The following VPS39 variants were observed in gnomAD, a reference collection of about 807,000 sequenced individuals.
VPS39 encodes VPS39 subunit of HOPS complex.
In VPS39, 70 loss-of-function variants were observed where a neutral mutation model predicts 121.0. That is an observed-to-expected ratio of 0.58 (90% confidence interval 0.48 to 0.71). VPS39 has a LOEUF of 0.71. Ranked by LOEUF, VPS39 falls within the 30% of genes least tolerant of loss-of-function variation. VPS39 has a pLI of 0.00. For synonymous variants in VPS39, 378 were observed against 398.1 expected (o/e 0.95, Z 0.60); for missense variants, 818 against 1,051.5 (o/e 0.78, Z 3.07).
In VPS39 at chr15:42,191,481, G is replaced by A. The variant is rs770105059; in HGVS notation, c.204+15C>T. The A allele has an allele frequency of 1.4e-5, 23 of 1,612,284 alleles. 1 individual carries two copies. The East Asian group carries it at 4.9e-4, about 34-fold the overall frequency. The stretch of plus-strand genomic sequence containing the variant: ...TAAGTCAAATATTCTTGTAAGGACT[G>A]CCATCACTGCTTACCTGCTGAATCT... On this transcript the variant is annotated intron_variant, in intron 3 of 24. Coordinates refer to ENST00000318006, the MANE Select transcript of VPS39 (RefSeq NM_015289.5).
intron 24 of VPS39, 73 bp downstream of exon 24, chr15:42,161,609 C>T: frequency 6.8e-7 from 1 of 1,466,272 alleles, no homozygotes; most frequent in Non-Finnish European, 9.6e-7. Context: ...GGGCAGAAAT[C>T]CATCCTGAGC....
Position 42,184,646 on chromosome 15 carries a change from G to A in VPS39, c.589C>T (p.Pro197Ser), listed in dbSNP as rs1205943760. The stretch of plus-strand genomic sequence containing the variant: ...CCATCTGCCAGAGGTGCAACTAAGG[G>A]CTCCAGCTGTTTTCCTGTTGGAAAG... ...ELFPTGKQLEPLVAPLADGKV... is the reference protein window; with the variant it reads ...ELFPTGKQLESLVAPLADGKV... The change falls in exon 8 of 25, where the codon CCC becomes TCC. Residue 197 changes from proline to serine, a missense_variant. By Grantham distance (74) the Pro-to-Ser change is moderately conservative (BLOSUM62 -1). Transcript: ENST00000318006. The A allele has an allele frequency of 6.2e-7, 1 of 1,614,140 alleles. No homozygotes were observed. The highest frequency in any genetic ancestry group is 1.1e-5 in the South Asian group (1 of 91,086).
chr15:42,203,704 C>A (rs191423209), intron 1 of VPS39, among the ~76,000 whole-genome samples: 2 of 152,200 alleles, frequency 1.3e-5, no homozygotes, highest in Non-Finnish European at 2.9e-5. Context: ...GGGAATCAAT[C>A]CGATGGATTA....
At chr15:42,181,163 C>G (rs982153698) in intron 8 of VPS39, among the ~76,000 whole-genome samples, 8 of 152,084 alleles carry the variant, frequency 5.3e-5, no homozygotes, top group Non-Finnish European at 5.9e-5. Flanking sequence ...TATATACACA[C>G]AGTGGAATAT....
chr15:42,181,750 G>A (rs1226223041), intron 8 of VPS39, among the ~76,000 whole-genome samples: 8 of 150,438 alleles, frequency 5.3e-5, no homozygotes, highest in African/African-American at 1.5e-4. Flanking sequence ...CTATAGGCCC[G>A]GCTGGAATGC....
At chr15:42,203,546 G>A (rs1409975092) in intron 1 of VPS39, among the ~76,000 whole-genome samples, 2 of 151,680 alleles carry the variant, frequency 1.3e-5, no homozygotes, top group African/African-American at 2.4e-5. Context: ...GGCTGAGACA[G>A]GAGAACCACT....
At chr15:42,194,655 C>T (rs538438892) in intron 2 of VPS39, among the ~76,000 whole-genome samples, 6 of 151,784 alleles carry the variant, frequency 4.0e-5, no homozygotes, top group Admixed American at 3.9e-4. Context: ...ATCGCCTGAG[C>T]CTAGGAGTTA....
intron 10 of VPS39, 85 bp downstream of exon 10, chr15:42,178,133 C>T (rs2049494498): frequency 6.3e-7 from 1 of 1,584,026 alleles, no homozygotes; most frequent in African/African-American, 1.4e-5. Flanking sequence ...ATTCTACTAA[C>T]CCAAAATAAA....
chr15:42,187,188 T>A (rs111501478), intron 7 of VPS39, 83 bp downstream of exon 7: 1 of 1,033,026 alleles, frequency 9.7e-7, no homozygotes, highest in Non-Finnish European at 1.4e-6. Flanking sequence ...CTACTTAAAG[T>A]GGTCGCTTGA....
rs141800754 is a variant in VPS39, at chr15:42,184,684, G to A, written c.551C>T (p.Ser184Phe). Residue 184 changes from serine to phenylalanine, a missense_variant, in exon 8 of 25, where the codon TCC becomes TTC. Physicochemically the swap from Ser to Phe is radical, Grantham distance 155. Transcript: ENST00000318006. Reference protein sequence around the residue: ...YYLIRVDGKGSIKELFPTGKQ... With the variant: ...YYLIRVDGKGFIKELFPTGKQ... ...TCCTGTTGGAAAGAGCTCTTTGATG[G>A]ACCCCTTTCCATCCACCTATAGGAA... The A allele has an allele frequency of 8.7e-6, 14 of 1,612,502 alleles. No individual in the cohort carries two copies. Among genetic ancestry groups the A allele is most frequent in the Non-Finnish European group, 1.2e-5 (14 of 1,179,168 alleles).
chr15:42,176,893 T>C (rs568482589), intron 10 of VPS39, among the ~76,000 whole-genome samples: 19 of 152,274 alleles, frequency 1.2e-4, no homozygotes, highest in Admixed American at 3.9e-4. Context: ...CTGGGCATAG[T>C]AGTTCACATC....
At position 42,187,262 on chromosome 15, in the gene VPS39, A is replaced by C; in HGVS notation, c.534+9T>G. On this transcript the variant is annotated intron_variant, in intron 7 of 24. Coordinates refer to ENST00000318006, the MANE Select transcript of VPS39 (RefSeq NM_015289.5). ...AACTAATGATATTTGCAAAATAATA[A>C]GATTTTACCCTTATTAGGTAGTAGT... 6.3e-7 allele frequency: 1 copy of C among 1,586,646 alleles called. No homozygotes were observed. Among genetic ancestry groups the C allele is most frequent in the Non-Finnish European group, 8.5e-7 (1 of 1,170,468 alleles).
intron 2 of VPS39, 87 bp from the exon 3 acceptor site, chr15:42,191,647 C>G (rs1171993611): frequency 2.6e-6 from 3 of 1,136,898 alleles, no homozygotes; most frequent in Non-Finnish European, 2.6e-6. Context: ...CCATACTGCT[C>G]TCCTATATAA....
At chr15:42,167,315 G>A (rs1292996644) in intron 13 of VPS39, 79 bp downstream of exon 13, 11 of 1,536,106 alleles carry the variant, frequency 7.2e-6, no homozygotes, top group Middle Eastern at 2.2e-4. Context: ...AGGTCCCTCA[G>A]GGTCTAGCAC....
At chr15:42,183,099 G>GTT (rs1566901555) in intron 8 of VPS39, among the ~76,000 whole-genome samples, 1 of 146,740 alleles carries the variant, frequency 6.8e-6, no homozygotes, top group African/African-American at 2.6e-5. Flanking sequence ...AACATGATGT[G>GTT]TTTTTTGTTT....
Position 42,173,819 on chromosome 15 carries a change from G to C in VPS39, c.994C>G (p.Gln332Glu). Reference sequence around the variant, plus strand: ...AAGTTCTTGATGTGATGAATTTGTTGCTGCTTTTCACTGTCAGAATCATCT... The same window carrying C: ...AAGTTCTTGATGTGATGAATTTGTTCCTGCTTTTCACTGTCAGAATCATCT... The part of the protein sequence containing the change: ...MKDDSDSEKQ[Q>E]QIHHIKNLYA... The change falls in exon 11 of 25, where the codon CAA becomes GAA. Residue 332 changes from glutamine (Q) to glutamate (E), a missense_variant. Physicochemically the swap from Gln to Glu is conservative, Grantham distance 29. Transcript: ENST00000318006. The C allele has an allele frequency of 1.2e-6, 2 of 1,614,140 alleles. No individual in the cohort carries two copies. Among genetic ancestry groups the C allele is most frequent in the Non-Finnish European group, 1.7e-6 (2 of 1,180,000 alleles).
At chr15:42,201,883 A>G (rs1472550367) in intron 1 of VPS39, among the ~76,000 whole-genome samples, 1 of 152,218 alleles carries the variant, frequency 6.6e-6, no homozygotes, top group Non-Finnish European at 1.5e-5. Context: ...GTACAAATAG[A>G]TAACTTTTAT....
At chr15:42,193,522 T>A (rs969562367) in intron 2 of VPS39, among the ~76,000 whole-genome samples, 1 of 152,192 alleles carries the variant, frequency 6.6e-6, no homozygotes, top group African/African-American at 2.4e-5. Flanking sequence ...TAAAAAAACA[T>A]TGGTCTACCT....
In VPS39 at chr15:42,164,357, C is replaced by A. The variant is rs1566889649; in HGVS notation, c.2026+1G>T. 6.2e-7 allele frequency: 1 copy of A among 1,614,062 alleles called. No homozygotes were observed. The highest frequency in any genetic ancestry group is 1.7e-5 in the Admixed American group (1 of 60,020). On this transcript the variant is annotated splice_donor_variant, in intron 19 of 24. Coordinates refer to ENST00000318006, the MANE Select transcript of VPS39 (RefSeq NM_015289.5). LOFTEE classifies it high-confidence loss of function. The stretch of plus-strand genomic sequence containing the variant: ...CTTCTGGCCCTAAGCCAGACACTCA[C>A]CATCAAAGGGAAAATCACAGATGAG...
Sources: allele counts gnomAD v4.1 joint callset (sites outside exome capture counted in the v4.1 genomes callset), GRCh38; gene constraint gnomAD v4.1.1; transcripts MANE v1.5; gene names NCBI Gene and HGNC (gene_info 2026-07-23, HGNC 2026-07-21).